Variants in EPHA6 observed in about 807,000 individuals in gnomAD.
EPHA6 encodes ephrin type-A receptor 6.
EPHA6 carries 50 observed loss-of-function variants against 112.0 expected under a neutral mutation model. The ratio of observed to expected loss-of-function variants is 0.45; its 90% CI spans 0.36 to 0.56. EPHA6 has a LOEUF of 0.56. Among genes scored for constraint, EPHA6 ranks in the 20% least tolerant of loss-of-function variants. The probability of loss-of-function intolerance (pLI) is 0.00; values close to 1 mark genes in which losing one functional copy is unlikely to be tolerated. For synonymous variants in EPHA6, 529 were observed against 490.7 expected, an observed-to-expected ratio of 1.08 and a Z score of -1.03; for missense variants, 1,280 against 1,417.4, an observed-to-expected ratio of 0.90 and a Z score of 1.56.
chr3:97,020,404 C>G (rs1002617511), intron 3 of EPHA6, among the ~76,000 whole-genome samples: 1 of 152,066 alleles, frequency 6.6e-6, no homozygotes, highest in Non-Finnish European at 1.5e-5. Flanking sequence ...TAACTCTGGA[C>G]AAGTAAGAAA....
chr3:97,564,260 G>A (rs2093230772), intron 11 of EPHA6, among the ~76,000 whole-genome samples: 2 of 152,046 alleles, frequency 1.3e-5, no homozygotes, highest in African/African-American at 4.8e-5. Context: ...AATCATAAGT[G>A]TACAAAAAAA....
At chr3:97,352,411 G>A (rs2083859471) in intron 5 of EPHA6, among the ~76,000 whole-genome samples, 1 of 152,200 alleles carries the variant, frequency 6.6e-6, no homozygotes, top group Non-Finnish European at 1.5e-5. Context: ...AGGAAAGACA[G>A]TCTTGAATTG....
intron 5 of EPHA6, among the ~76,000 whole-genome samples, chr3:97,324,465 C>CTT (rs747662333): frequency 7.5e-6 from 1 of 133,824 alleles, no homozygotes; most frequent in African/African-American, 2.8e-5. Context: ...TTCTTTCTTT[C>CTT]TTTCTTTTTC....
At chr3:97,695,655 C>T (rs1299968995) in intron 14 of EPHA6, among the ~76,000 whole-genome samples, 1 of 152,200 alleles carries the variant, frequency 6.6e-6, no homozygotes, top group Non-Finnish European at 1.5e-5. Flanking sequence ...ATTCTCCTGC[C>T]TCAGCTTCCC....
chr3:97,190,625 A>G (rs773741505), intron 3 of EPHA6, among the ~76,000 whole-genome samples: 8 of 152,110 alleles, frequency 5.3e-5, no homozygotes, highest in South Asian at 2.1e-4. Context: ...TAAATTATAT[A>G]TATTTATGAT....
intron 3 of EPHA6, among the ~76,000 whole-genome samples, chr3:97,104,906 C>T (rs2047519103): frequency 6.6e-6 from 1 of 152,052 alleles, no homozygotes. Flanking sequence ...TCTGTCTCAT[C>T]TAGGTTTTCC....
chr3:97,186,021 A>G (rs1294273547), intron 3 of EPHA6, among the ~76,000 whole-genome samples: 3 of 135,256 alleles, frequency 2.2e-5, no homozygotes, highest in South Asian at 2.5e-4. Context: ...ATGAGAACAC[A>G]TGGACACAAG....
chr3:97,669,717 T>G (rs1335150260), intron 14 of EPHA6, among the ~76,000 whole-genome samples: 1 of 152,250 alleles, frequency 6.6e-6, no homozygotes, highest in East Asian at 1.9e-4. Flanking sequence ...AATTATATTT[T>G]GCTTGTTCCA....
intron 3 of EPHA6, among the ~76,000 whole-genome samples, chr3:97,193,386 T>C (rs1171505378): frequency 6.6e-6 from 1 of 152,052 alleles, no homozygotes. Flanking sequence ...AGGTACTTTA[T>C]TTTATTTGTA....
chr3:97,544,818 G>A (rs540923857), intron 11 of EPHA6, among the ~76,000 whole-genome samples: 1 of 152,110 alleles, frequency 6.6e-6, no homozygotes, highest in Non-Finnish European at 1.5e-5. Flanking sequence ...GTTTAGTCTT[G>A]GGAGGATGTA....
chr3:97,333,959 CAAGTT>C (rs1312721552), intron 5 of EPHA6, among the ~76,000 whole-genome samples: 3 of 152,080 alleles, frequency 2.0e-5, no homozygotes, highest in Non-Finnish European at 2.9e-5. Flanking sequence ...TGCCCTTTAT[CAAGTT>C]AAGTTAATTT....
intron 2 of EPHA6, among the ~76,000 whole-genome samples, chr3:96,919,569 G>A (rs1162723478): frequency 6.6e-6 from 1 of 151,754 alleles, no homozygotes; most frequent in Non-Finnish European, 1.5e-5. Context: ...TTCAATAGGA[G>A]AAACCATCTT....
chr3:97,174,949 T>C (rs965602313), intron 3 of EPHA6, among the ~76,000 whole-genome samples: 8 of 151,904 alleles, frequency 5.3e-5, no homozygotes, highest in Admixed American at 1.3e-4. Context: ...ACGTGTGGGG[T>C]ATTGCTCAAG....
intron 7 of EPHA6, among the ~76,000 whole-genome samples, chr3:97,464,208 A>G (rs1185064007): frequency 6.6e-6 from 1 of 152,104 alleles, no homozygotes; most frequent in Middle Eastern, 3.2e-3. Flanking sequence ...TGGTTGGTCC[A>G]GTTTGGGTCA....
At chr3:97,093,491 A>T (rs1259255050) in intron 3 of EPHA6, among the ~76,000 whole-genome samples, 3 of 152,122 alleles carry the variant, frequency 2.0e-5, no homozygotes, top group Non-Finnish European at 4.4e-5. Flanking sequence ...CAGAGTTTGC[A>T]GTGGGCTGAG....
At chr3:97,079,917 A>G (rs1261430039) in intron 3 of EPHA6, among the ~76,000 whole-genome samples, 1 of 149,584 alleles carries the variant, frequency 6.7e-6, no homozygotes, top group Non-Finnish European at 1.5e-5. Context: ...TTTTTTTTGC[A>G]ATGTTTTAAA....
intron 5 of EPHA6, among the ~76,000 whole-genome samples, chr3:97,273,742 G>C (rs900345051): frequency 6.6e-6 from 1 of 152,142 alleles, no homozygotes; most frequent in African/African-American, 2.4e-5. Flanking sequence ...GACTAATAAA[G>C]GCTGGTCTGC....
intron 3 of EPHA6, among the ~76,000 whole-genome samples, chr3:97,140,220 A>G (rs1162382802): frequency 1.3e-5 from 2 of 152,140 alleles, no homozygotes; most frequent in Non-Finnish European, 2.9e-5. Context: ...AAGCAACTAA[A>G]CCTATGAATA....
At chr3:97,582,032 T>A (rs2093443570) in intron 11 of EPHA6, among the ~76,000 whole-genome samples, 2 of 151,448 alleles carry the variant, frequency 1.3e-5, no homozygotes, top group African/African-American at 4.9e-5. Flanking sequence ...TTCATTTTAT[T>A]TTTTTTTTGA....
Sources: gnomAD v4.1 joint callset for allele counts (sites outside exome capture counted in the v4.1 genomes callset) on GRCh38, gnomAD v4.1.1 for gene constraint, MANE v1.5 for transcripts, NCBI Gene and HGNC (gene_info 2026-07-23, HGNC 2026-07-21) for gene names.